The following PLXDC2 variants were observed in gnomAD, a reference collection of about 807,000 sequenced individuals.
PLXDC2 encodes plexin domain containing 2, also known as plexin domain-containing protein 2.
Under a neutral mutation model 68.9 loss-of-function variants are expected in PLXDC2, and 40 were observed. That is an observed-to-expected ratio of 0.58 (90% confidence interval 0.45 to 0.76). The LOEUF is 0.76. Ranked by LOEUF, PLXDC2 falls within the 30% of genes least tolerant of loss-of-function variation. The probability of loss-of-function intolerance (pLI) is 0.00; values close to 1 mark genes in which losing one functional copy is unlikely to be tolerated. For missense variants in PLXDC2, 644 were observed against 661.9 expected, an observed-to-expected ratio of 0.97 and a Z score of 0.30; for synonymous variants, 243 against 234.2, an observed-to-expected ratio of 1.04 and a Z score of -0.34.
chr10:20,048,975 G>T (rs1417714649), intron 3 of PLXDC2, among the ~76,000 whole-genome samples: 1 of 152,028 alleles, frequency 6.6e-6, no homozygotes, highest in Non-Finnish European at 1.5e-5. Context: ...TTGAACTTCT[G>T]GTTGTAACTT....
chr10:20,227,559 G>A (rs989447113), intron 12 of PLXDC2, among the ~76,000 whole-genome samples: 2 of 152,102 alleles, frequency 1.3e-5, no homozygotes, highest in Admixed American at 6.5e-5. Context: ...TATACATAGT[G>A]CTTTAAGGCT....
At chr10:20,007,207 A>C (rs1240990249) in intron 2 of PLXDC2, among the ~76,000 whole-genome samples, 2 of 152,178 alleles carry the variant, frequency 1.3e-5, no homozygotes, top group African/African-American at 2.4e-5. Flanking sequence ...GGAAGCTGGC[A>C]CCTTCCCATT....
chr10:20,275,780 G>A (rs751499938), intron 13 of PLXDC2, among the ~76,000 whole-genome samples: 19 of 152,098 alleles, frequency 1.2e-4, no homozygotes, highest in Admixed American at 2.6e-4. Context: ...GGGCGTGGTG[G>A]CAGGCGCCTG....
intron 9 of PLXDC2, among the ~76,000 whole-genome samples, chr10:20,183,625 T>C (rs1225170450): frequency 1.3e-5 from 2 of 151,744 alleles, no homozygotes; most frequent in African/African-American, 4.8e-5. Context: ...TTCTAAGGAG[T>C]AGAAACGCAC....
At chr10:19,959,214 T>C (rs1834118329) in intron 1 of PLXDC2, among the ~76,000 whole-genome samples, 1 of 152,232 alleles carries the variant, frequency 6.6e-6, no homozygotes, top group South Asian at 2.1e-4. Context: ...AAGCCCTTTT[T>C]CTTAAAATCT....
intron 5 of PLXDC2, among the ~76,000 whole-genome samples, chr10:20,144,483 C>G (rs1481756310): frequency 6.6e-6 from 1 of 152,138 alleles, no homozygotes; most frequent in East Asian, 1.9e-4. Context: ...CGTTGAACAT[C>G]TTGAGTAACA....
chr10:20,174,885 A>T (rs1157961287), intron 7 of PLXDC2, among the ~76,000 whole-genome samples: 2 of 152,146 alleles, frequency 1.3e-5, no homozygotes, highest in African/African-American at 2.4e-5. Context: ...ATGAGTAGGT[A>T]TCTTCCTTTT....
At chr10:20,239,568 C>G (rs1341326360) in intron 12 of PLXDC2, among the ~76,000 whole-genome samples, 1 of 152,126 alleles carries the variant, frequency 6.6e-6, no homozygotes, top group East Asian at 1.9e-4. Context: ...ATCACAAGAA[C>G]AGCATAAGAG....
chr10:20,183,650 G>A lies in PLXDC2; in HGVS notation c.1061+6241G>A, dbSNP rs114706645. Among the ~76,000 whole-genome samples, 1,202 of 152,036 alleles carry A rather than the reference G, an allele frequency of 7.9e-3. 18 individuals are homozygous for A. Among genetic ancestry groups the A allele is most frequent in the African/African-American group, 0.028 (1,155 of 41,522 alleles). On this transcript the variant is annotated intron_variant, in intron 9 of 13. Coordinates refer to ENST00000377252, the MANE Select transcript of PLXDC2 (RefSeq NM_032812.9). ...TAGAAACGCACTTTTACTCATTTTA[G>A]CATCTTCCACAATACCCAACACAGT...
rs1247717589 is a variant in PLXDC2 at position 19,981,834 on chromosome 10, A to T, written c.113-19941A>T. On this transcript the variant is annotated intron_variant, in intron 1 of 13. Coordinates refer to ENST00000377252, the MANE Select transcript of PLXDC2 (RefSeq NM_032812.9). ...AGTATGGCACTGATCGTAAGGACCC[A>T]CTGTGGAGTTCGAGCAAAATTGCCC... 2.6e-5 allele frequency among the ~76,000 whole-genome samples: 4 copies of T among 152,210 alleles called. No individual in the cohort carries two copies. In the East Asian group the frequency reaches 7.7e-4, roughly 29 times the overall value.
At chr10:19,950,324 C>T (rs1406794059) in intron 1 of PLXDC2, among the ~76,000 whole-genome samples, 1 of 152,084 alleles carries the variant, frequency 6.6e-6, no homozygotes, top group African/African-American at 2.4e-5. Flanking sequence ...TTTCGGGGTA[C>T]AAAATCAAGG....
At chr10:19,830,740 G>GTTT (rs11408354) in intron 1 of PLXDC2, among the ~76,000 whole-genome samples, 3,776 of 149,106 alleles carry the variant, frequency 0.025, 129 homozygotes, top group African/African-American at 0.087. Flanking sequence ...AAAAGAGAAG[G>GTTT]TTTTTTTTTT....
intron 13 of PLXDC2, among the ~76,000 whole-genome samples, chr10:20,246,526 T>G (rs931491615): frequency 2.0e-5 from 3 of 152,200 alleles, no homozygotes; most frequent in Non-Finnish European, 2.9e-5. Flanking sequence ...ATTTTTGTAT[T>G]TTTAGTAGAG....
chr10:20,014,204 C>CCTTCCTTCCTTCCTTCCTTCCTTCCTTG (rs1344500990), intron 2 of PLXDC2, among the ~76,000 whole-genome samples: 13 of 126,764 alleles, frequency 1.0e-4, no homozygotes, highest in Non-Finnish European at 1.9e-4. Context: ...TTGTTTCCTT[C>CCTTCCTTCCTTCCTTCCTTCCTTCCTTG]CTTCCTTCCT....
chr10:19,834,712 A>G (rs1358079519), intron 1 of PLXDC2, among the ~76,000 whole-genome samples: 3 of 152,240 alleles, frequency 2.0e-5, no homozygotes, highest in African/African-American at 7.2e-5. Context: ...GTTGGGGTTG[A>G]TAGTGAGGTT....
At chr10:20,215,306 C>T (rs538572678) in intron 10 of PLXDC2, among the ~76,000 whole-genome samples, 12 of 151,986 alleles carry the variant, frequency 7.9e-5, no homozygotes, top group South Asian at 4.2e-4. Context: ...AACATTGGTA[C>T]GAGAAATTTC....
At chr10:19,820,526 C>T (rs367644426) in intron 1 of PLXDC2, among the ~76,000 whole-genome samples, 1 of 150,562 alleles carries the variant, frequency 6.6e-6, no homozygotes, top group Non-Finnish European at 1.5e-5. Flanking sequence ...CCCAGCTACT[C>T]GGGAGGCTGA....
intron 1 of PLXDC2, among the ~76,000 whole-genome samples, chr10:19,991,866 C>T (rs1457758332): frequency 6.6e-6 from 1 of 152,144 alleles, no homozygotes; most frequent in African/African-American, 2.4e-5. Flanking sequence ...TCATATTTTC[C>T]ATAGTGAGGT....
At chr10:20,189,556 C>CAT (rs1554773639) in intron 9 of PLXDC2, among the ~76,000 whole-genome samples, 41 of 124,780 alleles carry the variant, frequency 3.3e-4, no homozygotes, top group Non-Finnish European at 5.0e-4. Flanking sequence ...CACACACACA[C>CAT]ATATATATAT....
Sources: gnomAD v4.1 joint callset for allele counts (sites outside exome capture counted in the v4.1 genomes callset) on GRCh38, gnomAD v4.1.1 for gene constraint, MANE v1.5 for transcripts, NCBI Gene and HGNC (gene_info 2026-07-23, HGNC 2026-07-21) for gene names.